The following DLGAP2 variants were observed in gnomAD, a reference collection of about 807,000 sequenced individuals.
The protein encoded by DLGAP2 is disks large-associated protein 2.
A neutral mutation model predicts 100.3 loss-of-function variants in DLGAP2; 26 were observed. That is an observed-to-expected ratio of 0.26 (90% CI 0.19 to 0.36). The LOEUF (loss-of-function observed/expected upper bound fraction) is 0.36. Among genes scored for constraint, DLGAP2 ranks in the 10% least tolerant of loss-of-function variants. The pLI, the probability that DLGAP2 is intolerant of heterozygous loss-of-function variation, is 1.00. For missense variants in DLGAP2, 1,858 were observed against 1,453.2 expected (o/e 1.28, Z -4.53); for synonymous variants, 886 against 630.1 (o/e 1.41, Z -6.08).
chr8:1,352,267 T>A (rs1417137759), intron 3 of DLGAP2, among the ~76,000 whole-genome samples: 1 of 87,556 alleles, frequency 1.1e-5, no homozygotes, highest in African/African-American at 3.5e-5. Context: ...CCTGATCGTG[T>A]GTGGAAAGGA....
At chr8:1,506,430 G>C (rs1238654711) in intron 4 of DLGAP2, among the ~76,000 whole-genome samples, 1 of 152,140 alleles carries the variant, frequency 6.6e-6, no homozygotes, top group Non-Finnish European at 1.5e-5. Flanking sequence ...GACGTTTTTG[G>C]AGTTTCTTCC....
At chr8:1,361,632 C>A (rs955759525) in intron 3 of DLGAP2, among the ~76,000 whole-genome samples, 3 of 152,224 alleles carry the variant, frequency 2.0e-5, no homozygotes, top group Non-Finnish European at 4.4e-5. Context: ...TTAAACGGAG[C>A]ATGGGAGCCC....
intron 2 of DLGAP2, among the ~76,000 whole-genome samples, chr8:1,175,482 T>G (rs1434654109): frequency 6.6e-6 from 1 of 152,252 alleles, no homozygotes; most frequent in Non-Finnish European, 1.5e-5. Context: ...CACTAATATA[T>G]GTACTTGGGC....
At chr8:813,925 A>G (rs147554731) in intron 1 of DLGAP2, among the ~76,000 whole-genome samples, 42 of 152,310 alleles carry the variant, frequency 2.8e-4, no homozygotes, top group African/African-American at 8.7e-4. Context: ...TGTAGTGATG[A>G]GGATGAATAG....
At chr8:854,639 G>C (rs968062063) in intron 1 of DLGAP2, among the ~76,000 whole-genome samples, 5 of 149,836 alleles carry the variant, frequency 3.3e-5, no homozygotes, top group African/African-American at 1.3e-4. Flanking sequence ...GTGTCTTTTT[G>C]TGTGTGCATG....
At chr8:738,734 C>G (rs1820395473) in intron 1 of DLGAP2, 1 of 153,104 alleles carries the variant, frequency 6.5e-6, no homozygotes, top group African/African-American at 2.4e-5. Context: ...GCCCGGCCCT[C>G]CCTCAGCGCG....
At chr8:916,106 C>T (rs1463820409) in intron 2 of DLGAP2, among the ~76,000 whole-genome samples, 1 of 151,846 alleles carries the variant, frequency 6.6e-6, no homozygotes, top group Non-Finnish European at 1.5e-5. Flanking sequence ...GCGTGGTTTC[C>T]ATCTGTGTTA....
chr8:839,449 A>T (rs1477751830), intron 1 of DLGAP2, among the ~76,000 whole-genome samples: 1 of 152,230 alleles, frequency 6.6e-6, no homozygotes, highest in Non-Finnish European at 1.5e-5. Flanking sequence ...GGAGGACTTT[A>T]TGCTGAGCGA....
At chr8:795,324 T>A (rs35217046) in intron 1 of DLGAP2, among the ~76,000 whole-genome samples, 20,124 of 152,184 alleles carry the variant, frequency 0.13, 1,928 homozygotes, top group East Asian at 0.54. Flanking sequence ...AACTCAGAGC[T>A]GACAGCCCAT....
chr8:1,215,334 C>G (rs945230606), intron 2 of DLGAP2, among the ~76,000 whole-genome samples: 1 of 152,242 alleles, frequency 6.6e-6, no homozygotes, highest in Non-Finnish European at 1.5e-5. Context: ...AGGCTGATAG[C>G]TGAGGCTGGT....
At chr8:1,115,676 TGTCTGTGC>T (rs1386303116) in intron 2 of DLGAP2, among the ~76,000 whole-genome samples, 1 of 152,150 alleles carries the variant, frequency 6.6e-6, no homozygotes, top group African/African-American at 2.4e-5. Flanking sequence ...AGCTGTGAAG[TGTCTGTGC>T]TGCCAGGGAT....
At chr8:1,695,705 T>C (rs1346838517) in intron 13 of DLGAP2, among the ~76,000 whole-genome samples, 1 of 152,216 alleles carries the variant, frequency 6.6e-6, no homozygotes, top group African/African-American at 2.4e-5. Context: ...GGCGAAGACT[T>C]CTGGAAGCCA....
intron 2 of DLGAP2, among the ~76,000 whole-genome samples, chr8:1,117,175 C>A (rs1444641942): frequency 7.9e-6 from 1 of 126,082 alleles, no homozygotes; most frequent in Non-Finnish European, 1.9e-5. Flanking sequence ...AAACCCAACA[C>A]CGTCTGTTTG....
At chr8:1,497,601 G>T (rs937819280) in intron 3 of DLGAP2, among the ~76,000 whole-genome samples, 1 of 152,208 alleles carries the variant, frequency 6.6e-6, no homozygotes, top group Non-Finnish European at 1.5e-5. Context: ...TTCTGAGGTC[G>T]CTGAGATGGT....
intron 3 of DLGAP2, among the ~76,000 whole-genome samples, chr8:1,410,483 T>G (rs777201382): frequency 2.0e-5 from 3 of 152,216 alleles, no homozygotes; most frequent in Non-Finnish European, 2.9e-5. Context: ...TCCCACAGTT[T>G]CATGGGGTCA....
At chr8:903,982 C>T (rs13262297) in intron 1 of DLGAP2, among the ~76,000 whole-genome samples, 13,444 of 152,274 alleles carry the variant, frequency 0.088, 1,006 homozygotes, top group Admixed American at 0.25. Context: ...GAGGCGTGGC[C>T]GGGCCTGGGC....
chr8:1,531,096 T>G (rs566532193), intron 4 of DLGAP2, among the ~76,000 whole-genome samples: 1 of 152,226 alleles, frequency 6.6e-6, no homozygotes, highest in African/African-American at 2.4e-5. Context: ...GTATTCCACA[T>G]TCCCTTGAAA....
At chr8:1,595,479 A>C (rs1486980213) in intron 6 of DLGAP2, among the ~76,000 whole-genome samples, 3 of 150,796 alleles carry the variant, frequency 2.0e-5, no homozygotes, top group Admixed American at 1.3e-4. Context: ...CTGGCTAACA[A>C]GGTGAAACCC....
chr8:944,582 C>T (rs571454720), intron 2 of DLGAP2, among the ~76,000 whole-genome samples: 2 of 149,642 alleles, frequency 1.3e-5, no homozygotes, highest in Non-Finnish European at 3.0e-5. Context: ...AACATCCCTG[C>T]AGGTGACTCA....
Sources: allele counts gnomAD v4.1 joint callset (sites outside exome capture counted in the v4.1 genomes callset), GRCh38; gene constraint gnomAD v4.1.1; transcripts MANE v1.5; gene names NCBI Gene and HGNC (gene_info 2026-07-23, HGNC 2026-07-21).